BPIFB1: variants seen among roughly 807,000 people sequenced by gnomAD.
The protein encoded by BPIFB1 is BPI fold-containing family B member 1.
In BPIFB1, 34 loss-of-function variants were observed where a neutral mutation model predicts 55.1. That is an observed-to-expected ratio of 0.62 (90% CI 0.47 to 0.82). BPIFB1 has a LOEUF of 0.82. Among genes scored for constraint, BPIFB1 ranks in the 40% least tolerant of loss-of-function variants. The pLI, the probability that BPIFB1 is intolerant of heterozygous loss-of-function variation, is 0.00. For synonymous variants in BPIFB1, 236 were observed against 245.3 expected (o/e 0.96, Z 0.35); for missense variants, 532 against 593.1 (o/e 0.90, Z 1.07).
At chr20:33,300,858 G>A (rs1396209998) in intron 8 of BPIFB1, among the ~76,000 whole-genome samples, 1 of 152,178 alleles carries the variant, frequency 6.6e-6, no homozygotes, top group African/African-American at 2.4e-5. Flanking sequence ...AAAGTGCTAA[G>A]ATTACAAGCA....
intron 8 of BPIFB1, among the ~76,000 whole-genome samples, chr20:33,300,387 G>T (rs937629066): frequency 1.3e-5 from 2 of 152,204 alleles, no homozygotes. Flanking sequence ...ACCTCCCTGA[G>T]CCTCAGTTTC....
In BPIFB1 at chr20:33,302,379, G is replaced by C; in HGVS notation, c.948G>C (p.Arg316=). The C allele has an allele frequency of 5.0e-6, 8 of 1,613,958 alleles. No individual in the cohort carries two copies. The highest frequency in any genetic ancestry group is 1.3e-5 in the African/African-American group (1 of 74,990). The change falls in exon 10 of 16, where the codon CGG becomes CGC. Residue 316 remains arginine (R), a synonymous_variant. Coordinates refer to ENST00000253354, the MANE Select transcript of BPIFB1 (RefSeq NM_033197.3). The part of the protein sequence containing the change: ...LDSVLPESAH[R]LKSSIGLINE... ...CTCAGCTTCCTGAGAGTGCCCATCGGCTGAAGTCAAGCATCGGGCTGATCA... is the reference window on the plus strand; with the variant it reads ...CTCAGCTTCCTGAGAGTGCCCATCGCCTGAAGTCAAGCATCGGGCTGATCA...
intron 15 of BPIFB1, among the ~76,000 whole-genome samples, chr20:33,308,937 C>T (rs969549879): frequency 7.4e-5 from 11 of 148,938 alleles, no homozygotes; most frequent in Middle Eastern, 3.5e-3. Flanking sequence ...TACACATATA[C>T]ACACATACAC....
chr20:33,285,439 C>T (rs1000948233), intron 1 of BPIFB1, among the ~76,000 whole-genome samples: 13 of 151,732 alleles, frequency 8.6e-5, no homozygotes, highest in Non-Finnish European at 1.3e-4. Flanking sequence ...ACAGGCTGGG[C>T]GCGGTGGCTC....
Position 33,309,693 on chromosome 20 carries a change from C to G in BPIFB1, c.1396-15C>G. On this transcript the variant is annotated splice_polypyrimidine_tract_variant and intron_variant, in intron 15 of 15. Coordinates refer to ENST00000253354, the MANE Select transcript of BPIFB1 (RefSeq NM_033197.3). The surrounding 1 kb of genome is among the most constrained non-coding windows in gnomAD (Gnocchi z 4.4). ...TAAAGAAACCTGTTTTCTGACTTTT[C>G]CCCTCCAATTCCAGGATGCCCTTGT... is the stretch of plus-strand genomic sequence containing the variant. 1 of 1,613,576 alleles carries G rather than the reference C, an allele frequency of 6.2e-7. No individual in the cohort carries two copies. Among genetic ancestry groups the G allele is most frequent in the Non-Finnish European group, 8.5e-7 (1 of 1,179,478 alleles).
intron 7 of BPIFB1, among the ~76,000 whole-genome samples, chr20:33,298,048 AGATG>A (rs551999680): frequency 2.6e-5 from 4 of 152,106 alleles, no homozygotes; most frequent in Admixed American, 6.6e-5. Context: ...ATGGATGGAT[AGATG>A]GATGGATGGA....
intron 14 of BPIFB1, chr20:33,306,567 T>C (rs550934854): frequency 3.5e-5 from 12 of 342,656 alleles, no homozygotes; most frequent in Non-Finnish European, 6.0e-5. Context: ...TTGTAACCTA[T>C]ACAGTTCCAC....
Position 33,298,829 on chromosome 20 carries a change from A to G in BPIFB1, c.662-1070A>G, listed in dbSNP as rs1479224265. 3.7e-4 allele frequency: 63 copies of G among 170,640 alleles called. 1 individual carries two copies. The Admixed American group carries it at 4.2e-3, about 11-fold the overall frequency. The allele number at this position is 170,640 out of a possible 1,614,324, so 10.6% of individuals were successfully genotyped here. A position where few individuals can be genotyped will look rare whatever the true frequency, so the allele number is the denominator to read the frequency against. ...TTTTTAATTCCCAAAGAGTTCTTCCAATCGTCAGATATTTGGTCAGTATTC... is the reference window on the plus strand; with the variant it reads ...TTTTTAATTCCCAAAGAGTTCTTCCGATCGTCAGATATTTGGTCAGTATTC... On this transcript the variant is annotated intron_variant, in intron 7 of 15. Coordinates refer to ENST00000253354, the MANE Select transcript of BPIFB1 (RefSeq NM_033197.3).
In BPIFB1 at chr20:33,307,040, G is replaced by A. The variant is rs1981053751; in HGVS notation, c.1395+53G>A. 4 of 1,544,040 alleles carry A rather than the reference G, an allele frequency of 2.6e-6. No individual in the cohort carries two copies. In the African/African-American group the frequency reaches 4.1e-5, roughly 16 times the overall value. On this transcript the variant is annotated intron_variant, in intron 15 of 15. Transcript: ENST00000253354. ...GCCCCAGGGAGGGCACAGCCACTGAGAGCCCTGGCTGGGAGGTGGGGCCTG... is the reference window on the plus strand; with the variant it reads ...GCCCCAGGGAGGGCACAGCCACTGAAAGCCCTGGCTGGGAGGTGGGGCCTG...
In BPIFB1 at chr20:33,307,002, C is replaced by T. The variant is rs922069429; in HGVS notation, c.1395+15C>T. On this transcript the variant is annotated intron_variant, in intron 15 of 15. Transcript: ENST00000253354. ...CACTGACCAAGGTGAGTGGGTGTGG[C>T]CCTAAACATCCTGCCCCAGGGAGGG... is the stretch of plus-strand genomic sequence containing the variant. 2 of 1,610,954 alleles carry T rather than the reference C, an allele frequency of 1.2e-6. No individual in the cohort carries two copies. Among genetic ancestry groups the T allele is most frequent in the Non-Finnish European group, 1.7e-6 (2 of 1,177,046 alleles).
chr20:33,292,206 C>T (rs574853679), intron 6 of BPIFB1, among the ~76,000 whole-genome samples: 1 of 152,154 alleles, frequency 6.6e-6, no homozygotes, highest in East Asian at 1.9e-4. Context: ...GCCAGGAGCC[C>T]GTGAACAGTG....
At chr20:33,285,013 T>G (rs916210946) in intron 1 of BPIFB1, among the ~76,000 whole-genome samples, 1 of 152,212 alleles carries the variant, frequency 6.6e-6, no homozygotes, top group Non-Finnish European at 1.5e-5. Flanking sequence ...TGGCTCCTCA[T>G]TTCCTTCCTG....
chr20:33,302,937 AC>A lies in BPIFB1; in HGVS notation c.1006del (p.Gln336ArgfsTer3). On this transcript the variant is annotated frameshift_variant, in exon 11 of 16. Transcript: ENST00000253354. LOFTEE classifies it high-confidence loss of function. ...CCAGGCTGCAGATAAGCTGGGATCT[AC>A]CCAGATCGTGAAGATCCTAACTCAG... ...NEKAADKLGS[T>X]QIVKILTQDT... 1 of 1,614,138 alleles carries A rather than the reference AC, an allele frequency of 6.2e-7. No individual in the cohort carries two copies. The highest frequency in any genetic ancestry group is 8.5e-7 in the Non-Finnish European group (1 of 1,180,002).
At chr20:33,301,823 A>T (rs1980863347) in intron 9 of BPIFB1, among the ~76,000 whole-genome samples, 1 of 152,156 alleles carries the variant, frequency 6.6e-6, no homozygotes, top group Non-Finnish European at 1.5e-5. Context: ...CTGAGTCTGG[A>T]TGCTGACACA....
Position 33,309,611 on chromosome 20 carries a change from G to A in BPIFB1, c.1396-97G>A, listed in dbSNP as rs76655352. On this transcript the variant is annotated intron_variant, in intron 15 of 15. Transcript: ENST00000253354. This position sits in a 1 kb window ranked among gnomAD's most constrained non-coding sequence, Gnocchi z 4.4. ...TGTGGGTTCAGGGTCATGGTCCCCC[G>A]GTGCCAGCAGTCACCTTATGGAGGA... is the stretch of plus-strand genomic sequence containing the variant. 1,005 of 1,162,012 alleles carry A rather than the reference G, an allele frequency of 8.6e-4. 8 individuals carry two copies. In the African/African-American group the frequency reaches 0.013, roughly 15 times the overall value. The allele number at this position is 1,162,012 out of a possible 1,614,324, so 72.0% of individuals were successfully genotyped here.
chr20:33,290,035 A>T (rs763594924), intron 4 of BPIFB1, 43 bp downstream of exon 4: 2 of 1,471,886 alleles, frequency 1.4e-6, no homozygotes, highest in East Asian at 2.3e-5. Flanking sequence ...TGACAGGCTC[A>T]TCTGCTCGTT....
At chr20:33,298,549 G>C (rs1421550437) in intron 7 of BPIFB1, among the ~76,000 whole-genome samples, 2 of 144,220 alleles carry the variant, frequency 1.4e-5, no homozygotes, top group East Asian at 3.9e-4. Flanking sequence ...CTCCCGCTGG[G>C]TGTTTTGTAT....
chr20:33,304,027 T>G lies in BPIFB1; in HGVS notation c.1208+2T>G, dbSNP rs1289881873. The stretch of plus-strand genomic sequence containing the variant: ...TATACTCAACTTGAATAACATCAGG[T>G]AAACACACAAATCATCATGAAGATT... On this transcript the variant is annotated splice_donor_variant, in intron 12 of 15. Coordinates refer to ENST00000253354, the MANE Select transcript of BPIFB1 (RefSeq NM_033197.3). LOFTEE classifies it high-confidence loss of function. 6.2e-7 allele frequency: 1 copy of G among 1,611,338 alleles called. No homozygotes were observed. Among genetic ancestry groups the G allele is most frequent in the Non-Finnish European group, 8.5e-7 (1 of 1,178,970 alleles).
Position 33,290,459 on chromosome 20 carries a change from G to T in BPIFB1, c.365+467G>T, listed in dbSNP as rs1375021765. On this transcript the variant is annotated intron_variant, in intron 4 of 15. Transcript: ENST00000253354. The stretch of plus-strand genomic sequence containing the variant: ...ATGGCTTAGACCAGGGTTTGGGGCA[G>T]GGAGGTGCTGAGAAGTTGATTGGAT... Among the ~76,000 whole-genome samples, 7 of 152,336 alleles carry T rather than the reference G, an allele frequency of 4.6e-5. No individual in the cohort carries two copies. In the East Asian group the frequency reaches 1.3e-3, roughly 29 times the overall value.
Sources: allele counts gnomAD v4.1 joint callset (sites outside exome capture counted in the v4.1 genomes callset), GRCh38; gene constraint gnomAD v4.1.1; non-coding constraint Gnocchi (gnomAD v3.1); transcripts MANE v1.5; gene names NCBI Gene and HGNC (gene_info 2026-07-23, HGNC 2026-07-21).